The following MSH3 variants were observed in gnomAD, a reference collection of about 807,000 sequenced individuals.
MSH3 encodes the protein DNA mismatch repair protein Msh3.
Under a neutral mutation model 123.3 loss-of-function variants are expected in MSH3, and 106 were observed. The ratio of observed to expected loss-of-function variants is 0.86; its 90% CI spans 0.73 to 1.01. The LOEUF (loss-of-function observed/expected upper bound fraction) is 1.01. MSH3 is among the 50% of genes least tolerant of loss of function. The probability of loss-of-function intolerance (pLI) is 0.00; values close to 1 mark genes in which losing one functional copy is unlikely to be tolerated. For synonymous variants in MSH3, 515 were observed against 481.4 expected (o/e 1.07, Z -0.91); for missense variants, 1,459 against 1,347.6 (o/e 1.08, Z -1.29).
At chr5:80,868,731 T>C (rs1746147698) in intron 22 of MSH3, among the ~76,000 whole-genome samples, 1 of 150,800 alleles carries the variant, frequency 6.6e-6, no homozygotes, top group Non-Finnish European at 1.5e-5. Flanking sequence ...CAAGTTTACC[T>C]CTATAGCAAA....
intron 20 of MSH3, among the ~76,000 whole-genome samples, chr5:80,845,793 G>A (rs1745709503): frequency 6.6e-6 from 1 of 152,096 alleles, no homozygotes; most frequent in Non-Finnish European, 1.5e-5. Context: ...ATTCTAGTTA[G>A]CCATTCATCT....
chr5:80,824,231 C>T (rs891088607), intron 20 of MSH3, among the ~76,000 whole-genome samples: 12 of 152,160 alleles, frequency 7.9e-5, no homozygotes, highest in African/African-American at 2.2e-4. Flanking sequence ...GACGGGGTGG[C>T]GGCCGGGCAG....
intron 20 of MSH3, among the ~76,000 whole-genome samples, chr5:80,839,605 C>A (rs1425434613): frequency 6.6e-6 from 1 of 152,058 alleles, no homozygotes; most frequent in Admixed American, 6.6e-5. Context: ...TATCAATCTC[C>A]ATCTTTGTGT....
intron 22 of MSH3, among the ~76,000 whole-genome samples, chr5:80,872,707 C>T (rs1746243092): frequency 6.6e-6 from 1 of 151,524 alleles, no homozygotes; most frequent in South Asian, 2.1e-4. Flanking sequence ...ACTTAGGAGG[C>T]TAGGCAGGAG....
chr5:80,668,295 TC>T (rs1421197449), intron 3 of MSH3, among the ~76,000 whole-genome samples: 1 of 152,160 alleles, frequency 6.6e-6, no homozygotes, highest in Non-Finnish European at 1.5e-5. Flanking sequence ...TAATTCTGGT[TC>T]GTCAGCCTGG....
chr5:80,780,505 C>T (rs914346082), intron 17 of MSH3, among the ~76,000 whole-genome samples: 9 of 152,304 alleles, frequency 5.9e-5, no homozygotes, highest in South Asian at 2.1e-4. Flanking sequence ...GATGTCTGGC[C>T]TTTGCCAGCC....
intron 20 of MSH3, among the ~76,000 whole-genome samples, chr5:80,846,034 T>C (rs1217943698): frequency 6.6e-6 from 1 of 152,208 alleles, no homozygotes; most frequent in Non-Finnish European, 1.5e-5. Context: ...TCCCTGTCTT[T>C]GTGGTTTTAT....
At chr5:80,655,295 T>TC (rs1178028216) in intron 1 of MSH3, 1 of 255,250 alleles carries the variant, frequency 3.9e-6, no homozygotes, top group Non-Finnish European at 7.5e-6. Flanking sequence ...TTTTTTTTTT[T>TC]CCTTGGTGGT....
In MSH3 at chr5:80,679,650, C is replaced by A. The variant is rs6151667; in HGVS notation, c.1340+557C>A. Among the ~76,000 whole-genome samples, 287 of 152,306 alleles carry A rather than the reference C, an allele frequency of 1.9e-3. 2 individuals carry two copies. Among genetic ancestry groups the A allele is most frequent in the African/African-American group, 5.5e-3 (230 of 41,560 alleles). On this transcript the variant is annotated intron_variant, in intron 8 of 23. Transcript: ENST00000265081. ...ACTGGATCTAAGATCAGACCACTTA[C>A]GTATGAAGCAGTGTGCTAGGCGCTG...
At chr5:80,772,997 G>A (rs1010689957) in intron 15 of MSH3, among the ~76,000 whole-genome samples, 2 of 152,142 alleles carry the variant, frequency 1.3e-5, no homozygotes, top group African/African-American at 4.8e-5. Flanking sequence ...ATGGTAGCCC[G>A]CTGTAGTGAT....
chr5:80,655,698 CTG>C (rs772780930), intron 1 of MSH3: 27 of 178,724 alleles, frequency 1.5e-4, no homozygotes, highest in Non-Finnish European at 3.0e-4. Flanking sequence ...GCATTGAAGA[CTG>C]GTGTTTAGCC....
chr5:80,675,088 T>C lies in MSH3; in HGVS notation c.1133T>C (p.Val378Ala). The C allele has an allele frequency of 6.2e-7, 1 of 1,613,778 alleles. No homozygotes were observed. The highest frequency in any genetic ancestry group is 8.5e-7 in the Non-Finnish European group (1 of 1,179,858). ...LLCISENKEN[V>A]RDKKKGNIFI... ...TGCATCTCTGAAAATAAGGAAAATG[T>C]TAGGGACAAAAAAAAGGGCAACATT... is the stretch of plus-strand genomic sequence containing the variant. Residue 378 changes from valine (V) to alanine (A), a missense_variant, in exon 7 of 24, where the codon GTT becomes GCT. Transcript: ENST00000265081.
intron 19 of MSH3, among the ~76,000 whole-genome samples, chr5:80,798,145 C>G (rs10079641): frequency 0.079 from 11,986 of 152,026 alleles, 536 homozygotes; most frequent in Non-Finnish European, 0.093. Flanking sequence ...CAGGAAGATT[C>G]CCAGGAAGCA....
rs1410537373 is a variant in MSH3, at chr5:80,727,185, G to GAT, written c.1453+1623_1453+1624dup. Among the ~76,000 whole-genome samples the GAT allele has an allele frequency of 2.0e-5, 3 of 152,292 alleles. No homozygotes were observed. The East Asian group carries it at 5.8e-4, about 29-fold the overall frequency. On this transcript the variant is annotated intron_variant, in intron 9 of 23. Transcript: ENST00000265081. Reference sequence around the variant, plus strand: ...CTTCTCAGTCCAGATGTAATTTACTGATATTTGGTCATTTTTACCACAGGC... The same window carrying GAT: ...CTTCTCAGTCCAGATGTAATTTACTGATATATTTGGTCATTTTTACCACAGGC...
chr5:80,713,892 C>T (rs769469483), intron 8 of MSH3, among the ~76,000 whole-genome samples: 23 of 152,112 alleles, frequency 1.5e-4, no homozygotes, highest in Non-Finnish European at 2.9e-4. Context: ...TAGCACCTTT[C>T]GGGTGGGAAT....
intron 19 of MSH3, among the ~76,000 whole-genome samples, chr5:80,800,147 A>G (rs1011717019): frequency 2.6e-5 from 4 of 152,260 alleles, no homozygotes; most frequent in African/African-American, 7.2e-5. Context: ...AATAGAATGT[A>G]CTTCTAGTCT....
At chr5:80,827,238 G>A (rs549795280) in intron 20 of MSH3, among the ~76,000 whole-genome samples, 7 of 152,288 alleles carry the variant, frequency 4.6e-5, no homozygotes, top group African/African-American at 1.7e-4. Flanking sequence ...TGGTGATTAA[G>A]CGTTGATGAA....
At chr5:80,700,654 T>C (rs1750587956) in intron 8 of MSH3, among the ~76,000 whole-genome samples, 1 of 152,110 alleles carries the variant, frequency 6.6e-6, no homozygotes, top group African/African-American at 2.4e-5. Flanking sequence ...TTTTAAAACA[T>C]GATAAGTTAA....
chr5:80,715,431 A>G (rs1415816386), intron 8 of MSH3: 1 of 152,164 alleles, frequency 6.6e-6, no homozygotes, highest in Non-Finnish European at 1.5e-5. Flanking sequence ...TTACTTTTTA[A>G]CATTATTATT....
Sources: gnomAD v4.1 joint callset for allele counts (sites outside exome capture counted in the v4.1 genomes callset) on GRCh38, gnomAD v4.1.1 for gene constraint, MANE v1.5 for transcripts, NCBI Gene and HGNC (gene_info 2026-07-23, HGNC 2026-07-21) for gene names.